Variants in GARNL3 observed in about 807,000 individuals in gnomAD.
The protein encoded by GARNL3 is GTPase activating Rap/RanGAP domain like 3, also known as GTPase-activating Rap/Ran-GAP domain-like protein 3.
Under a neutral mutation model 125.0 loss-of-function variants are expected in GARNL3, and 63 were observed. That is an observed-to-expected ratio of 0.50 (90% CI 0.41 to 0.62). GARNL3 has a LOEUF of 0.62. Among genes scored for constraint, GARNL3 ranks in the 20% least tolerant of loss-of-function variants. The pLI is 0.00. For synonymous variants in GARNL3, 439 were observed against 457.5 expected, an observed-to-expected ratio of 0.96 and a Z score of 0.52; for missense variants, 994 against 1,244.0, an observed-to-expected ratio of 0.80 and a Z score of 3.02.
intron 13 of GARNL3, among the ~76,000 whole-genome samples, chr9:127,340,744 C>T (rs1829820097): frequency 6.6e-6 from 1 of 151,830 alleles, no homozygotes. Context: ...TGTTACCCAA[C>T]CTCCAATCTT....
At chr9:127,279,186 T>A (rs1230606480) in intron 1 of GARNL3, among the ~76,000 whole-genome samples, 1 of 152,148 alleles carries the variant, frequency 6.6e-6, no homozygotes, top group Non-Finnish European at 1.5e-5. Flanking sequence ...GCTGGGTTTT[T>A]CTTACATTTT....
intron 22 of GARNL3, among the ~76,000 whole-genome samples, chr9:127,377,673 G>A (rs574530154): frequency 2.0e-5 from 3 of 152,014 alleles, no homozygotes; most frequent in East Asian, 3.9e-4. Flanking sequence ...TGTAATCCCA[G>A]CTACTTGGGA....
chr9:127,390,149 A>G (rs1054647903), intron 26 of GARNL3, among the ~76,000 whole-genome samples: 2 of 152,226 alleles, frequency 1.3e-5, no homozygotes, highest in Non-Finnish European at 2.9e-5. Context: ...CTGCAGTAAT[A>G]TTCCCTGAAC....
At chr9:127,229,604 T>C (rs754632540) in intron 1 of GARNL3, among the ~76,000 whole-genome samples, 1 of 152,236 alleles carries the variant, frequency 6.6e-6, no homozygotes, top group Admixed American at 6.5e-5. Context: ...TAAGCGATTC[T>C]CCAACCCCAG....
intron 22 of GARNL3, among the ~76,000 whole-genome samples, chr9:127,366,133 C>T (rs560328091): frequency 1.3e-5 from 2 of 152,174 alleles, no homozygotes; most frequent in Non-Finnish European, 2.9e-5. Flanking sequence ...GTTTTTCGGC[C>T]TAGGATTTTA....
chr9:127,260,638 G>A (rs1369964338), upstream of GARNL3, among the ~76,000 whole-genome samples: 1 of 152,172 alleles, frequency 6.6e-6, no homozygotes, highest in Non-Finnish European at 1.5e-5. Flanking sequence ...CTCTGCTGTT[G>A]TAATCCAAAA....
intron 1 of GARNL3, among the ~76,000 whole-genome samples, chr9:127,239,265 T>C (rs2063162882): frequency 6.6e-6 from 1 of 152,194 alleles, no homozygotes; most frequent in Non-Finnish European, 1.5e-5. Context: ...TATCCCTCTC[T>C]TCTTCAGCCT....
At position 127,242,084 on chromosome 9, in the gene GARNL3, T is replaced by C. The variant is rs1006072392; in HGVS notation, c.-28-995T>C. The stretch of plus-strand genomic sequence containing the variant: ...CCAACTTGTGTGGAGTCGCTTTTCT[T>C]GGTCTCCAGCCTCACAGCACTCCCT... On this transcript the variant is annotated intron_variant, in intron 1 of 10. Coordinates refer to the GARNL3 transcript ENST00000439286. This position sits in a 1 kb window ranked among gnomAD's most constrained non-coding sequence, Gnocchi z 4.6. Among the ~76,000 whole-genome samples, 37 of 152,178 alleles carry C rather than the reference T, an allele frequency of 2.4e-4. No individual in the cohort carries two copies. Among genetic ancestry groups the C allele is most frequent in the African/African-American group, 7.7e-4 (32 of 41,448 alleles).
intron 22 of GARNL3, among the ~76,000 whole-genome samples, chr9:127,376,581 T>G (rs1210525614): frequency 6.9e-6 from 1 of 145,538 alleles, no homozygotes; most frequent in African/African-American, 2.5e-5. Flanking sequence ...TGGACAGCTT[T>G]CTTTCTTTCT....
chr9:127,382,168 C>T (rs1355399089), intron 22 of GARNL3, among the ~76,000 whole-genome samples: 3 of 151,830 alleles, frequency 2.0e-5, no homozygotes, highest in Admixed American at 6.6e-5. Flanking sequence ...GGCATGGTGG[C>T]GGGCGTCTGT....
intron 2 of GARNL3, among the ~76,000 whole-genome samples, chr9:127,299,588 T>C (rs1588795269): frequency 1.3e-5 from 2 of 152,108 alleles, no homozygotes; most frequent in African/African-American, 4.8e-5. Flanking sequence ...TTGTTTTTTT[T>C]GAGATGGAGT....
chr9:127,277,643 C>T (rs899483879), intron 1 of GARNL3, among the ~76,000 whole-genome samples: 1 of 151,944 alleles, frequency 6.6e-6, no homozygotes, highest in African/African-American at 2.4e-5. Flanking sequence ...TTGCTCCAAC[C>T]TATCTCTGAG....
At chr9:127,293,529 C>T (rs1024086475) in intron 2 of GARNL3, among the ~76,000 whole-genome samples, 2 of 152,042 alleles carry the variant, frequency 1.3e-5, no homozygotes, top group Admixed American at 6.6e-5. Flanking sequence ...TCCGAGAAAC[C>T]ATTGCCTAAT....
intron 1 of GARNL3, among the ~76,000 whole-genome samples, chr9:127,234,458 G>T (rs1035245655): frequency 4.6e-5 from 7 of 152,182 alleles, no homozygotes; most frequent in African/African-American, 1.7e-4. Context: ...ACAGCAGCAT[G>T]CAGAGATATA....
intron 1 of GARNL3, among the ~76,000 whole-genome samples, chr9:127,289,414 C>T (rs1026687644): frequency 1.3e-4 from 20 of 152,186 alleles, no homozygotes; most frequent in African/African-American, 4.3e-4. Context: ...GGACAGAGTT[C>T]GGGAGAGTTC....
At chr9:127,283,730 A>G (rs947198714) in intron 1 of GARNL3, among the ~76,000 whole-genome samples, 2 of 152,188 alleles carry the variant, frequency 1.3e-5, no homozygotes, top group South Asian at 2.1e-4. Flanking sequence ...AGTATTGGAC[A>G]GTGCAAGAAC....
At chr9:127,387,146 G>A in intron 24 of GARNL3, 47 bp from the exon 25 acceptor site, 6 of 1,578,362 alleles carry the variant, frequency 3.8e-6, no homozygotes, top group Non-Finnish European at 5.2e-6. Flanking sequence ...GTGGATGCAA[G>A]GCCTAGAACA....
chr9:127,256,785 AG>A (rs2063502770), intron 2 of GARNL3, among the ~76,000 whole-genome samples: 1 of 152,254 alleles, frequency 6.6e-6, no homozygotes, highest in Non-Finnish European at 1.5e-5. Flanking sequence ...GTGTAACTAT[AG>A]TAACTATAGT....
chr9:127,355,637 TA>T lies in GARNL3; in HGVS notation c.1935+168del, dbSNP rs200149087. ...CTTGTTTCCCCCAGAAGACTAAAGC[TA>T]AAGCTCATTCATTCCAGTGAACATC... On this transcript the variant is annotated intron_variant, in intron 20 of 27. Coordinates refer to ENST00000373387, the MANE Select transcript of GARNL3 (RefSeq NM_032293.5). Among the ~76,000 whole-genome samples, 72 of 152,308 alleles carry T rather than the reference TA, an allele frequency of 4.7e-4. 1 individual carries two copies. The East Asian group carries it at 0.013, about 27-fold the overall frequency.
Sources: gnomAD v4.1 joint callset for allele counts (sites outside exome capture counted in the v4.1 genomes callset) on GRCh38, gnomAD v4.1.1 for gene constraint, Gnocchi (gnomAD v3.1) non-coding constraint, MANE v1.5 for transcripts, NCBI Gene and HGNC (gene_info 2026-07-23, HGNC 2026-07-21) for gene names.